Variants in SBNO2 observed in about 807,000 individuals in gnomAD.
SBNO2 encodes strawberry notch homolog 2, also known as protein strawberry notch homolog 2.
In SBNO2, 89 loss-of-function variants were observed where a neutral mutation model predicts 146.3. The ratio of observed to expected loss-of-function variants is 0.61; its 90% CI spans 0.51 to 0.73. SBNO2 has a LOEUF of 0.73. SBNO2 is among the 30% of genes least tolerant of loss of function. The probability of loss-of-function intolerance (pLI) is 0.00; values close to 1 mark genes in which losing one functional copy is unlikely to be tolerated. For missense variants in SBNO2, 2,092 were observed against 2,003.7 expected (o/e 1.04, Z -0.84); for synonymous variants, 1,147 against 892.6 (o/e 1.29, Z -5.08).
Position 1,111,106 on chromosome 19 carries a change from G to A in SBNO2, c.2810-13C>T, listed in dbSNP as rs1599821945. 1 of 1,543,902 alleles carries A rather than the reference G, an allele frequency of 6.5e-7. No individual in the cohort carries two copies. Among genetic ancestry groups the A allele is most frequent in the Non-Finnish European group, 8.7e-7 (1 of 1,146,746 alleles). On this transcript the variant is annotated splice_polypyrimidine_tract_variant and intron_variant, in intron 24 of 31. Coordinates refer to ENST00000361757, the MANE Select transcript of SBNO2 (RefSeq NM_014963.3). Reference sequence around the variant, plus strand: ...CCCTGCTTCATGTCTGCGGGGAGAGGGGCCTCACATGCTGGTCTTCCCACC... The same window carrying A: ...CCCTGCTTCATGTCTGCGGGGAGAGAGGCCTCACATGCTGGTCTTCCCACC...
In SBNO2 at chr19:1,117,425, G is replaced by T; in HGVS notation, c.1602C>A (p.Gly534=). 6.3e-7 allele frequency: 1 copy of T among 1,590,864 alleles called. No homozygotes were observed. Among genetic ancestry groups the T allele is most frequent in the Non-Finnish European group, 8.5e-7 (1 of 1,170,202 alleles). The part of the protein sequence containing the change: ...IGLESRKSLW[G]QFWSAHQRFF... ...AGCGCTGGTGTGCCGACCAGAACTG[G>T]CCCCACAGGGACTTGCGCGACTCCA... is the stretch of plus-strand genomic sequence containing the variant. The change falls in exon 15 of 32, where the codon GGC becomes GGA. Residue 534 remains glycine (G), a synonymous_variant. Coordinates refer to ENST00000361757, the MANE Select transcript of SBNO2 (RefSeq NM_014963.3).
At chr19:1,139,230 G>A (rs567320195) in intron 4 of SBNO2, among the ~76,000 whole-genome samples, 1 of 152,216 alleles carries the variant, frequency 6.6e-6, no homozygotes, top group Non-Finnish European at 1.5e-5. Flanking sequence ...AGTGAGAGAC[G>A]CCAGAGGCAG....
At chr19:1,113,841 C>G (rs991305492) in intron 18 of SBNO2, 137 bp from the exon 19 acceptor site, 2 of 1,171,618 alleles carry the variant, frequency 1.7e-6, no homozygotes, top group African/African-American at 1.6e-5. Context: ...CGGGGAAGCC[C>G]GGCACCGTGG....
In SBNO2 at chr19:1,117,497, CCACTG is replaced by C; in HGVS notation, c.1528-3_1529del. The C allele has an allele frequency of 6.3e-7, 1 of 1,576,358 alleles. No homozygotes were observed. Among genetic ancestry groups the C allele is most frequent in the South Asian group, 1.2e-5 (1 of 85,852 alleles). On this transcript the variant is annotated splice_acceptor_variant and splice_polypyrimidine_tract_variant and coding_sequence_variant and intron_variant, in exon 15 of 32. Coordinates refer to ENST00000361757, the MANE Select transcript of SBNO2 (RefSeq NM_014963.3). LOFTEE classifies it high-confidence loss of function. ...GCTGGAACACGTTCAGGGCCTCGGC[CCACTG>C]CAATGACACGTCACAAGGCGCCCCT...
chr19:1,164,294 C>T (rs1279450092), intron 1 of SBNO2, among the ~76,000 whole-genome samples: 1 of 152,290 alleles, frequency 6.6e-6, no homozygotes, highest in East Asian at 1.9e-4. Context: ...CTTGCCAAAC[C>T]TCCTGTCCTG....
At chr19:1,167,159 A>G (rs4807624) in intron 1 of SBNO2, among the ~76,000 whole-genome samples, 98,359 of 152,194 alleles carry the variant, frequency 0.65, 33,279 homozygotes, top group African/African-American at 0.86. Flanking sequence ...GGAGCTACGC[A>G]CCCTGTCCTG....
intron 1 of SBNO2, among the ~76,000 whole-genome samples, chr19:1,156,746 C>G (rs1034699803): frequency 1.3e-5 from 2 of 152,132 alleles, no homozygotes; most frequent in Non-Finnish European, 2.9e-5. Flanking sequence ...AGACGCCAGG[C>G]ACAGATGTGT....
Position 1,109,421 on chromosome 19 carries a change from G to C in SBNO2, c.3219C>G (p.Val1073=), listed in dbSNP as rs764703013. 6.4e-7 allele frequency: 1 copy of C among 1,564,638 alleles called. No homozygotes were observed. The highest frequency in any genetic ancestry group is 8.7e-7 in the Non-Finnish European group (1 of 1,155,694). The change falls in exon 29 of 32, where the codon GTC becomes GTG. Residue 1073 remains valine (V), a splice_region_variant and synonymous_variant. Coordinates refer to ENST00000361757, the MANE Select transcript of SBNO2 (RefSeq NM_014963.3). This position sits in a 1 kb window ranked among gnomAD's most constrained non-coding sequence, Gnocchi z 4.2. The stretch of plus-strand genomic sequence containing the variant: ...GCAGGCAGCTGGGCTTGTTACCGCG[G>C]ACCTGCGGAGGGGGGCGTTGAGGCC... ...PYDGFYLSYK[V]RGNKPSCLLA... is the part of the protein sequence containing the mutation.
At chr19:1,167,669 C>T (rs1303663730) in intron 1 of SBNO2, among the ~76,000 whole-genome samples, 1 of 152,156 alleles carries the variant, frequency 6.6e-6, no homozygotes, top group Admixed American at 6.5e-5. Context: ...CCAGGACGAC[C>T]CCTCTGCAGA....
intron 13 of SBNO2, 55 bp downstream of exon 13, chr19:1,119,461 G>T: frequency 7.4e-7 from 1 of 1,356,020 alleles, no homozygotes; most frequent in East Asian, 2.5e-5. Flanking sequence ...TGATGGGCCT[G>T]AGGCCTCCTC....
chr19:1,149,516 A>T, intron 2 of SBNO2, 74 bp from the exon 3 acceptor site: 2 of 1,394,394 alleles, frequency 1.4e-6, no homozygotes, highest in Non-Finnish European at 2.0e-6. Context: ...CCCTCCGGGC[A>T]GGGTGACAGG....
chr19:1,112,300 G>T lies in SBNO2; in HGVS notation c.2517C>A (p.Gly839=). The T allele has an allele frequency of 6.3e-7, 1 of 1,582,064 alleles. No homozygotes were observed. ...AGACCTGGTTGGACCGGTGGGTGCG[G>T]CCTGGGGGCAGAGCTGCTCTCAGGG... is the stretch of plus-strand genomic sequence containing the variant. ...WSADRAIQQF[G]RTHRSNQVSA... Residue 839 remains glycine (G), a splice_region_variant and synonymous_variant, in exon 22 of 32, where the codon GGC becomes GGA. Coordinates refer to ENST00000361757, the MANE Select transcript of SBNO2 (RefSeq NM_014963.3). This position sits in a 1 kb window ranked among gnomAD's most constrained non-coding sequence, Gnocchi z 5.9.
At chr19:1,115,938 G>A (rs1399257012) in intron 17 of SBNO2, 83 bp downstream of exon 17, 26 of 1,123,236 alleles carry the variant, frequency 2.3e-5, no homozygotes, top group African/African-American at 4.7e-5. Flanking sequence ...GGGGAGTGGG[G>A]GAAGCAGGGA....
chr19:1,121,654 C>T (rs2079902352), intron 11 of SBNO2, among the ~76,000 whole-genome samples: 1 of 152,166 alleles, frequency 6.6e-6, no homozygotes, highest in South Asian at 2.1e-4. Context: ...CGCAGCCTGC[C>T]GACGAGAGCC....
In SBNO2 at chr19:1,110,666, A is replaced by G. The variant is rs1268449834; in HGVS notation, c.3028+79T>C. On this transcript the variant is annotated intron_variant, in intron 26 of 31. Transcript: ENST00000361757. The surrounding 1 kb of genome is among the most constrained non-coding windows in gnomAD (Gnocchi z 4.9). ...ATGCCCGGTGTTCCCACGAGCCCCG[A>G]GCCCACCCAGGATGCATGGCGTTCC... The G allele has an allele frequency of 7.4e-6, 10 of 1,346,996 alleles. No individual in the cohort carries two copies. The highest frequency in any genetic ancestry group is 1.7e-5 in the African/African-American group (1 of 60,186). 83.4% of individuals were successfully genotyped at this position (1,346,996 alleles called of 1,614,324 possible).
chr19:1,116,052 C>T lies in SBNO2; in HGVS notation c.1854G>A (p.Lys618=). 1 of 1,611,302 alleles carries T rather than the reference C, an allele frequency of 6.2e-7. No individual in the cohort carries two copies. The highest frequency in any genetic ancestry group is 8.5e-7 in the Non-Finnish European group (1 of 1,179,316). Reference sequence around the variant, plus strand: ...GCTTGCTGCCCGCTCCTCTGTCCCGCTTTCTCTTGGTGGACGGAAAGTGCT... The same window carrying T: ...GCTTGCTGCCCGCTCCTCTGTCCCGTTTTCTCTTGGTGGACGGAAAGTGCT... The part of the protein sequence containing the change: ...IQKHFPSTKR[K]RDRGAGSKRK... The change falls in exon 17 of 32, where the codon AAG becomes AAA. Residue 618 remains lysine, a synonymous_variant. Transcript: ENST00000361757.
At chr19:1,122,077 C>A (rs2079906800) in intron 11 of SBNO2, 62 bp downstream of exon 11, 3 of 1,012,818 alleles carry the variant, frequency 3.0e-6, no homozygotes, top group Non-Finnish European at 3.8e-6. Flanking sequence ...ACTCCTCCAT[C>A]CTCCTTTTCC....
intron 12 of SBNO2, 140 bp from the exon 13 acceptor site, chr19:1,119,761 G>C: frequency 1.0e-6 from 1 of 964,092 alleles, no homozygotes; most frequent in Non-Finnish European, 1.6e-6. Context: ...CGTGGCCTTG[G>C]GACAGGCGCA....
intron 2 of SBNO2, among the ~76,000 whole-genome samples, chr19:1,149,962 G>A (rs2080227472): frequency 6.6e-6 from 1 of 152,222 alleles, no homozygotes; most frequent in African/African-American, 2.4e-5. Context: ...ATGTGCCCGG[G>A]AAGCTCAGGC....
Sources: gnomAD v4.1 joint callset for allele counts (sites outside exome capture counted in the v4.1 genomes callset) on GRCh38, gnomAD v4.1.1 for gene constraint, Gnocchi (gnomAD v3.1) non-coding constraint, MANE v1.5 for transcripts, NCBI Gene and HGNC (gene_info 2026-07-23, HGNC 2026-07-21) for gene names.